CFAP299: variants seen among roughly 807,000 people sequenced by gnomAD.
The protein encoded by CFAP299 is cilia- and flagella-associated protein 299.
CFAP299 carries 21 observed loss-of-function variants against 27.0 expected under a neutral mutation model. The observed-to-expected ratio is 0.78, with a 90% CI of 0.55 to 1.12. The LOEUF (loss-of-function observed/expected upper bound fraction) is 1.12, where lower values mean the gene tolerates loss of function less well. Among genes scored for constraint, CFAP299 ranks in the 50% most tolerant of loss-of-function variants. The pLI is 0.00. For missense variants in CFAP299, 310 were observed against 276.6 expected (o/e 1.12, Z -0.86); for synonymous variants, 104 against 98.1 (o/e 1.06, Z -0.36).
intron 2 of CFAP299, among the ~76,000 whole-genome samples, chr4:80,579,553 G>C (rs1012142272): frequency 1.3e-5 from 2 of 152,104 alleles, no homozygotes; most frequent in African/African-American, 4.8e-5. Flanking sequence ...ATTAGCAAGA[G>C]AGTCACGCTT....
intron 3 of CFAP299, among the ~76,000 whole-genome samples, chr4:80,641,881 G>A (rs540849258): frequency 6.6e-5 from 10 of 152,208 alleles, no homozygotes; most frequent in Non-Finnish European, 1.3e-4. Context: ...ATCACATGAA[G>A]TACAATTTGA....
intron 3 of CFAP299, among the ~76,000 whole-genome samples, chr4:80,747,560 T>C (rs1224543147): frequency 6.6e-6 from 1 of 152,094 alleles, no homozygotes; most frequent in African/African-American, 2.4e-5. Context: ...TTGATGAGAA[T>C]AAAGGTCCTG....
intron 2 of CFAP299, chr4:80,386,743 A>G (rs1379338556): frequency 6.6e-6 from 10 of 1,508,416 alleles, no homozygotes; most frequent in Non-Finnish European, 9.2e-6. Context: ...GGGAGAGGAC[A>G]TGGGCCTTCA....
intron 2 of CFAP299, chr4:80,420,190 A>AC: frequency 4.4e-6 from 2 of 456,012 alleles, no homozygotes; most frequent in Non-Finnish European, 8.8e-6. Context: ...ATAGATGGTA[A>AC]ATGTTTCTTT....
chr4:80,904,389 A>C (rs148860699), intron 4 of CFAP299, among the ~76,000 whole-genome samples: 1 of 151,636 alleles, frequency 6.6e-6, no homozygotes, highest in African/African-American at 2.4e-5. Flanking sequence ...CTCTCTCTCC[A>C]CCCCAGGTCC....
intron 2 of CFAP299, among the ~76,000 whole-genome samples, chr4:80,573,040 C>A (rs146317251): frequency 6.6e-6 from 1 of 152,066 alleles, no homozygotes; most frequent in Non-Finnish European, 1.5e-5. Flanking sequence ...TTCTGAGGAA[C>A]GTACAAACTG....
intron 2 of CFAP299, among the ~76,000 whole-genome samples, chr4:80,458,496 C>T (rs1317429277): frequency 6.6e-6 from 1 of 152,090 alleles, no homozygotes; most frequent in Non-Finnish European, 1.5e-5. Flanking sequence ...AAAAATCTCA[C>T]CAAGGGAGCT....
At chr4:80,958,750 G>A (rs1478099736) in intron 5 of CFAP299, among the ~76,000 whole-genome samples, 1 of 152,138 alleles carries the variant, frequency 6.6e-6, no homozygotes, top group Non-Finnish European at 1.5e-5. Flanking sequence ...GGCCTACAGT[G>A]GGTCCTGGAA....
At chr4:80,644,189 TA>T (rs1379201725) in intron 3 of CFAP299, among the ~76,000 whole-genome samples, 1 of 152,200 alleles carries the variant, frequency 6.6e-6, no homozygotes, top group Non-Finnish European at 1.5e-5. Flanking sequence ...CCTGGTTTTT[TA>T]AAAACAAACA....
chr4:80,442,693 C>T (rs1176586092), intron 2 of CFAP299, among the ~76,000 whole-genome samples: 1 of 152,002 alleles, frequency 6.6e-6, no homozygotes, highest in Non-Finnish European at 1.5e-5. Context: ...AAGATCAGAG[C>T]AGAACTGAAG....
At chr4:80,857,697 C>G (rs552931390) in intron 3 of CFAP299, among the ~76,000 whole-genome samples, 2 of 152,056 alleles carry the variant, frequency 1.3e-5, no homozygotes, top group African/African-American at 4.8e-5. Context: ...TGTTTATATG[C>G]TGGATTACAT....
At chr4:80,725,081 A>C (rs563897439) in intron 3 of CFAP299, among the ~76,000 whole-genome samples, 1 of 146,980 alleles carries the variant, frequency 6.8e-6, no homozygotes, top group South Asian at 2.2e-4. Context: ...AGTAGCTGGG[A>C]CTACAGGCAT....
chr4:80,422,998 G>A (rs959455028), intron 2 of CFAP299, among the ~76,000 whole-genome samples: 2 of 152,118 alleles, frequency 1.3e-5, no homozygotes, highest in South Asian at 2.1e-4. Context: ...AATACTGTAG[G>A]CAATTATGTA....
chr4:80,390,971 G>GTATA (rs1725440648), intron 2 of CFAP299, among the ~76,000 whole-genome samples: 1 of 138,712 alleles, frequency 7.2e-6, no homozygotes, highest in African/African-American at 2.7e-5. Context: ...ATGTATATAT[G>GTATA]TATGTACACA....
rs748286463 is a variant in CFAP299, at chr4:80,431,489, TTCC to T, written c.242+68622_242+68624del. On this transcript the variant is annotated intron_variant, in intron 2 of 5. Transcript: ENST00000358105. Reference sequence around the variant, plus strand: ...CCCTCACTCCTTCCCTTCTTTCCGTTTCCTCCTCCTCCTCCTCCTGTTTCTTCT... The same window carrying T: ...CCCTCACTCCTTCCCTTCTTTCCGTTTCCTCCTCCTCCTCCTGTTTCTTCT... Among the ~76,000 whole-genome samples, 103 of 151,162 alleles carry T rather than the reference TTCC, an allele frequency of 6.8e-4. No homozygotes were observed. The South Asian group carries it at 7.0e-3, about 10-fold the overall frequency.
At chr4:80,604,182 T>C (rs1737513431) in intron 3 of CFAP299, among the ~76,000 whole-genome samples, 1 of 152,044 alleles carries the variant, frequency 6.6e-6, no homozygotes, top group South Asian at 2.1e-4. Flanking sequence ...AACACTGTCT[T>C]AAAAGAACTC....
chr4:80,734,319 A>AT (rs1272188691), intron 3 of CFAP299, among the ~76,000 whole-genome samples: 1 of 151,812 alleles, frequency 6.6e-6, no homozygotes, highest in African/African-American at 2.4e-5. Flanking sequence ...ATATTATTAG[A>AT]TTTTTTCCTA....
intron 3 of CFAP299, among the ~76,000 whole-genome samples, chr4:80,584,079 C>A (rs533170019): frequency 6.6e-6 from 1 of 151,726 alleles, no homozygotes; most frequent in South Asian, 2.1e-4. Context: ...TAGAATTAAC[C>A]CCGACTTAAA....
chr4:80,635,299 A>G (rs1739421221), intron 3 of CFAP299, among the ~76,000 whole-genome samples: 1 of 152,146 alleles, frequency 6.6e-6, no homozygotes, highest in South Asian at 2.1e-4. Context: ...AACTTTTCCC[A>G]TAGAAAGTGT....
Sources: allele counts gnomAD v4.1 joint callset (sites outside exome capture counted in the v4.1 genomes callset), GRCh38; gene constraint gnomAD v4.1.1; transcripts MANE v1.5; gene names NCBI Gene and HGNC (gene_info 2026-07-23, HGNC 2026-07-21).